Variants in SUSD1 observed in about 807,000 individuals in gnomAD.
The protein encoded by SUSD1 is sushi domain-containing protein 1.
A neutral mutation model predicts 86.9 loss-of-function variants in SUSD1; 65 were observed. The observed-to-expected ratio is 0.75, with a 90% CI of 0.61 to 0.92. SUSD1 has a LOEUF of 0.92. SUSD1 is among the 40% of genes least tolerant of loss of function. The pLI is 0.00. For missense variants in SUSD1, 850 were observed against 929.7 expected (o/e 0.91, Z 1.11); for synonymous variants, 346 against 350.0 (o/e 0.99, Z 0.13).
rs148690781 is a variant in SUSD1 at position 112,124,800 on chromosome 9, G to C, written c.707-364C>G. 4.5e-3 allele frequency among the ~76,000 whole-genome samples: 692 copies of C among 152,242 alleles called. 2 individuals carry two copies. The highest frequency in any genetic ancestry group is 6.8e-3 in the Middle Eastern group (2 of 294). On this transcript the variant is annotated intron_variant, in intron 5 of 16. Coordinates refer to ENST00000374270, the MANE Select transcript of SUSD1 (RefSeq NM_022486.5). ...TTGTAGCAATTATTGCCAACTGACTGTTAAATAGAAGATATTCAAAATCTC... is the reference window on the plus strand; with the variant it reads ...TTGTAGCAATTATTGCCAACTGACTCTTAAATAGAAGATATTCAAAATCTC...
chr9:112,055,796 T>C (rs1305619010), intron 14 of SUSD1, among the ~76,000 whole-genome samples: 1 of 152,220 alleles, frequency 6.6e-6, no homozygotes, highest in African/African-American at 2.4e-5. Flanking sequence ...AAACGTGGTA[T>C]ACTCATATAA....
Position 112,102,288 on chromosome 9 carries a change from A to G in SUSD1, c.1172-3T>C, listed in dbSNP as rs147787704. The G allele has an allele frequency of 2.5e-4, 378 of 1,509,696 alleles. 4 individuals carry two copies. The East Asian group carries it at 5.9e-3, about 23-fold the overall frequency. 93.5% of individuals were successfully genotyped at this position (1,509,696 alleles called of 1,614,324 possible). Reference sequence around the variant, plus strand: ...ATCATCTTCTAAGAGATCAACTTCTAAAAGACAAGAGAGAGAGTTATAGAC... The same window carrying G: ...ATCATCTTCTAAGAGATCAACTTCTGAAAGACAAGAGAGAGAGTTATAGAC... On this transcript the variant is annotated splice_region_variant and splice_polypyrimidine_tract_variant and intron_variant, in intron 8 of 16. Coordinates refer to ENST00000374270, the MANE Select transcript of SUSD1 (RefSeq NM_022486.5).
chr9:112,117,973 G>A (rs933486780), intron 6 of SUSD1, among the ~76,000 whole-genome samples: 1 of 152,214 alleles, frequency 6.6e-6, no homozygotes, highest in Non-Finnish European at 1.5e-5. Context: ...AAGAGCATAG[G>A]AGGGGAGGGA....
At chr9:112,111,861 A>T in intron 7 of SUSD1, 21 bp from the exon 8 acceptor site, 1 of 1,611,812 alleles carries the variant, frequency 6.2e-7, no homozygotes, top group South Asian at 1.1e-5. Flanking sequence ...AAAAGACAAG[A>T]GAACCCACTC....
At chr9:112,050,331 G>A (rs1273454063) in intron 15 of SUSD1, among the ~76,000 whole-genome samples, 1 of 152,154 alleles carries the variant, frequency 6.6e-6, no homozygotes, top group Non-Finnish European at 1.5e-5. Flanking sequence ...CAGGTAACCC[G>A]CCTTGCACCC....
intron 1 of SUSD1, among the ~76,000 whole-genome samples, chr9:112,168,595 T>C (rs1032974489): frequency 6.6e-6 from 1 of 152,184 alleles, no homozygotes; most frequent in Non-Finnish European, 1.5e-5. Context: ...TTCTGAGACA[T>C]TAGCTGATGG....
chr9:112,160,096 G>A (rs780294754), intron 1 of SUSD1, among the ~76,000 whole-genome samples: 8 of 151,966 alleles, frequency 5.3e-5, no homozygotes, highest in Middle Eastern at 3.2e-3. Context: ...AAAGAAAATG[G>A]GGATTTAGGG....
intron 8 of SUSD1, among the ~76,000 whole-genome samples, chr9:112,110,830 T>C (rs566122201): frequency 5.2e-4 from 79 of 152,240 alleles, no homozygotes; most frequent in African/African-American, 1.8e-3. Context: ...TTAAAGCTCC[T>C]TCATTCCACT....
rs1193821002 is a variant in SUSD1, at chr9:112,152,597, G to C, written c.218-3198C>G. 2.0e-5 allele frequency among the ~76,000 whole-genome samples: 3 copies of C among 147,358 alleles called. 1 individual carries two copies. The highest frequency in any genetic ancestry group is 4.5e-5 in the Non-Finnish European group (3 of 66,892). On this transcript the variant is annotated intron_variant, in intron 2 of 16. Transcript: ENST00000374270. ...TTTTTTTTTTTTTTTTGTACAGATG[G>C]AGGGGTCTCAATATGTTGCTCAGAC...
In SUSD1 at chr9:112,175,007, T is replaced by A. The variant is rs907975762; in HGVS notation, c.103+126A>T. 1 of 710,278 alleles carries A rather than the reference T, an allele frequency of 1.4e-6. No homozygotes were observed. The highest frequency in any genetic ancestry group is 1.9e-5 in the African/African-American group (1 of 51,714). 44.0% of individuals were successfully genotyped at this position (710,278 alleles called of 1,614,324 possible). On this transcript the variant is annotated intron_variant, in intron 1 of 16. Transcript: ENST00000374270. This position sits in a 1 kb window ranked among gnomAD's most constrained non-coding sequence, Gnocchi z 4.7. ...TCCAACGGCCGGCGCGGGCCCCACC[T>A]GCGCCCCACGCCTCGGCACCGCGCC...
intron 1 of SUSD1, among the ~76,000 whole-genome samples, chr9:112,172,196 CAA>C (rs11332622): frequency 2.1e-3 from 300 of 140,290 alleles, no homozygotes; most frequent in Admixed American, 2.4e-3. Context: ...GAGACTGTCT[CAA>C]AAAAAAAAAA....
intron 15 of SUSD1, among the ~76,000 whole-genome samples, chr9:112,051,014 C>T (rs1158666450): frequency 6.6e-6 from 1 of 152,208 alleles, no homozygotes; most frequent in Non-Finnish European, 1.5e-5. Context: ...AAACTGACCA[C>T]CCAAGTGACC....
chr9:112,133,228 CTG>C (rs2131719802), intron 5 of SUSD1, among the ~76,000 whole-genome samples: 1 of 152,280 alleles, frequency 6.6e-6, no homozygotes, highest in South Asian at 2.1e-4. Flanking sequence ...TGAGCCATGA[CTG>C]CACCACCACA....
intron 2 of SUSD1, among the ~76,000 whole-genome samples, chr9:112,153,331 C>T (rs1356130815): frequency 6.6e-6 from 1 of 151,922 alleles, no homozygotes; most frequent in Non-Finnish European, 1.5e-5. Context: ...ATAGCTTAGG[C>T]CTACACATGG....
At chr9:112,047,852 C>T (rs984276419) in intron 15 of SUSD1, among the ~76,000 whole-genome samples, 1 of 152,202 alleles carries the variant, frequency 6.6e-6, no homozygotes, top group Non-Finnish European at 1.5e-5. Flanking sequence ...AGGCCAGATG[C>T]AGTACTATGC....
intron 12 of SUSD1, among the ~76,000 whole-genome samples, chr9:112,063,432 G>A (rs1177168575): frequency 3.3e-5 from 5 of 152,154 alleles, no homozygotes; most frequent in Non-Finnish European, 5.9e-5. Context: ...TGTTAAAATG[G>A]CACATTTTAT....
intron 13 of SUSD1, among the ~76,000 whole-genome samples, chr9:112,061,824 T>C (rs1011832821): frequency 6.6e-6 from 1 of 152,024 alleles, no homozygotes; most frequent in African/African-American, 2.4e-5. Context: ...TTTTTTTTTT[T>C]AACCTTGATT....
At chr9:112,069,493 C>G (rs768931727) in intron 12 of SUSD1, among the ~76,000 whole-genome samples, 1 of 152,158 alleles carries the variant, frequency 6.6e-6, no homozygotes, top group African/African-American at 2.4e-5. Flanking sequence ...CCACACATGT[C>G]CCCTGGGAAC....
intron 2 of SUSD1, among the ~76,000 whole-genome samples, chr9:112,152,028 C>T (rs921816537): frequency 4.8e-5 from 7 of 145,358 alleles, no homozygotes; most frequent in African/African-American, 1.8e-4. Context: ...GAGCAAAACT[C>T]CATCTCAAAA....
Sources: gnomAD v4.1 joint callset for allele counts (sites outside exome capture counted in the v4.1 genomes callset) on GRCh38, gnomAD v4.1.1 for gene constraint, Gnocchi (gnomAD v3.1) non-coding constraint, MANE v1.5 for transcripts, NCBI Gene and HGNC (gene_info 2026-07-23, HGNC 2026-07-21) for gene names.